The following XPA variants were observed in gnomAD, a reference collection of about 807,000 sequenced individuals.
XPA encodes the protein XPA, DNA damage recognition and repair factor.
A neutral mutation model predicts 35.7 loss-of-function variants in XPA; 27 were observed. The observed-to-expected ratio is 0.76, with a 90% CI of 0.56 to 1.04. XPA has a LOEUF of 1.04. XPA is among the 50% of genes least tolerant of loss of function. The pLI is 0.00. For synonymous variants in XPA, 133 were observed against 118.4 expected (o/e 1.12, Z -0.80); for missense variants, 354 against 342.7 (o/e 1.03, Z -0.26).
At chr9:97,675,825 A>AT in intron 5 of XPA, 1 of 570,450 alleles carries the variant, frequency 1.8e-6, no homozygotes, top group Admixed American at 3.0e-5. Flanking sequence ...GAAACAAGAG[A>AT]TTCAGAAATG....
the XPA span, chr9:97,669,008 AAAC>A: frequency 6.4e-7 from 1 of 1,554,500 alleles, no homozygotes; most frequent in Non-Finnish European, 8.7e-7. Flanking sequence ...ACATAAAAGG[AAAC>A]AATACATTTC....
intron 2 of XPA, among the ~76,000 whole-genome samples, chr9:97,690,667 T>G (rs1273311484): frequency 1.3e-5 from 2 of 152,218 alleles, no homozygotes; most frequent in African/African-American, 4.8e-5. Flanking sequence ...ATTACAGGCA[T>G]GAGCCACTGT....
At chr9:97,674,130 C>G (rs1450215293), downstream of XPA, among the ~76,000 whole-genome samples, 1 of 151,420 alleles carries the variant, frequency 6.6e-6, no homozygotes, top group Non-Finnish European at 1.5e-5. Flanking sequence ...GGCCCAAGAG[C>G]TCCTTCCCCG....
chr9:97,663,136 C>A, the XPA span: 1 of 1,036,180 alleles, frequency 9.7e-7, no homozygotes, highest in Non-Finnish European at 1.5e-6. Flanking sequence ...GTTTGTAAAA[C>A]ATGAAATTTG....
At chr9:97,662,718 T>A in the XPA span, among the ~76,000 whole-genome samples, 1 of 152,232 alleles carries the variant, frequency 6.6e-6, no homozygotes, top group African/African-American at 2.4e-5. Flanking sequence ...CCTATTCTTT[T>A]AAACTGTAGC....
the XPA span, chr9:97,655,910 C>A: frequency 2.9e-6 from 4 of 1,358,824 alleles, no homozygotes; most frequent in South Asian, 1.3e-5. Context: ...TATAACTTAA[C>A]AAAACTTGTA....
At chr9:97,665,901 T>C in the XPA span, among the ~76,000 whole-genome samples, 1 of 152,192 alleles carries the variant, frequency 6.6e-6, no homozygotes, top group African/African-American at 2.4e-5. Context: ...TATCCTGTAT[T>C]CTTACAATAA....
intron 1 of XPA, among the ~76,000 whole-genome samples, 160 bp downstream of exon 1, chr9:97,696,961 G>C (rs1829063707): frequency 6.6e-6 from 1 of 152,198 alleles, no homozygotes. Context: ...TGACAAGGCG[G>C]CTGGCTGGGC....
downstream of XPA, chr9:97,671,019 G>T: frequency 9.3e-7 from 1 of 1,072,612 alleles, no homozygotes. Flanking sequence ...GCTGCTGAAG[G>T]AAATGTTCCA....
chr9:97,683,151 A>G (rs1270965763), intron 5 of XPA, among the ~76,000 whole-genome samples: 6 of 152,206 alleles, frequency 3.9e-5, no homozygotes, highest in Non-Finnish European at 8.8e-5. Context: ...GGAGGCAGCA[A>G]AGAGGTAAGA....
At chr9:97,685,487 A>T (rs1441644740) in intron 4 of XPA, among the ~76,000 whole-genome samples, 1 of 152,158 alleles carries the variant, frequency 6.6e-6, no homozygotes, top group Non-Finnish European at 1.5e-5. Flanking sequence ...GTCTCTATCG[A>T]CTTGACTTCT....
chr9:97,693,596 A>G, intron 2 of XPA, 53 bp downstream of exon 2: 1 of 1,454,452 alleles, frequency 6.9e-7, no homozygotes, highest in Non-Finnish European at 9.6e-7. Flanking sequence ...AGAATTATGC[A>G]TGTTACTCAA....
chr9:97,673,327 T>C (rs1429909678), downstream of XPA: 1 of 152,160 alleles, frequency 6.6e-6, no homozygotes, highest in Non-Finnish European at 1.5e-5. Context: ...ATGACTCCTG[T>C]CTCAAAAAAC....
downstream of XPA, among the ~76,000 whole-genome samples, chr9:97,670,545 A>G (rs1828158012): frequency 6.6e-6 from 1 of 152,192 alleles, no homozygotes; most frequent in Non-Finnish European, 1.5e-5. Flanking sequence ...TCTAAGTTCA[A>G]TTCTTTGAGC....
Position 97,675,253 on chromosome 9 carries a change from A to G in XPA, c.*186T>C. ...ATGACATTGTGCACACAACCAGGCC[A>G]GGTGACCTTCACTGAAACTTGCTTT... On this transcript the variant is annotated 3_prime_UTR_variant, in exon 6 of 6. Coordinates refer to ENST00000375128, the MANE Select transcript of XPA (RefSeq NM_000380.4). 1.4e-6 allele frequency: 1 copy of G among 719,976 alleles called. No homozygotes were observed. Among genetic ancestry groups the G allele is most frequent in the Non-Finnish European group, 2.4e-6 (1 of 415,706 alleles). The allele number at this position is 719,976 out of a possible 1,614,324, so 44.6% of individuals were successfully genotyped here.
the XPA span, chr9:97,655,635 TAA>T: frequency 7.5e-7 from 1 of 1,333,690 alleles, no homozygotes; most frequent in South Asian, 1.3e-5. Context: ...AAGGCTTATA[TAA>T]GTTTCTGTTC....
the XPA span, chr9:97,661,111 C>T: frequency 1.2e-6 from 2 of 1,602,514 alleles, no homozygotes; most frequent in Admixed American, 3.4e-5. Flanking sequence ...TATGTATAGG[C>T]CAACTTAAAG....
the XPA span, chr9:97,662,279 T>C: frequency 3.1e-6 from 2 of 642,442 alleles, no homozygotes; most frequent in Non-Finnish European, 5.4e-6. Context: ...TGGGTTTGGG[T>C]TTGTGGTAGC....
chr9:97,681,447 C>T (rs887768636), intron 5 of XPA, among the ~76,000 whole-genome samples: 16 of 152,104 alleles, frequency 1.1e-4, no homozygotes, highest in Admixed American at 9.2e-4. Flanking sequence ...ACCACAGGCC[C>T]ACAATGTACA....
Sources: gnomAD v4.1 joint callset for allele counts (sites outside exome capture counted in the v4.1 genomes callset) on GRCh38, gnomAD v4.1.1 for gene constraint, MANE v1.5 for transcripts, NCBI Gene and HGNC (gene_info 2026-07-23, HGNC 2026-07-21) for gene names.